SEPTIN7: variants seen among roughly 807,000 people sequenced by gnomAD.
SEPTIN7 encodes the protein septin-7.
In SEPTIN7, 10 loss-of-function variants were observed where a neutral mutation model predicts 63.3. The ratio of observed to expected loss-of-function variants is 0.16; its 90% CI spans 0.10 to 0.27. SEPTIN7 has a LOEUF of 0.27. SEPTIN7 is among the 10% of genes least tolerant of loss of function. SEPTIN7 has a pLI of 1.00. For synonymous variants in SEPTIN7, 131 were observed against 165.3 expected (o/e 0.79, Z 1.59); for missense variants, 310 against 521.0 (o/e 0.59, Z 3.94).
At chr7:35,818,374 G>A (rs1013243110) in intron 1 of SEPTIN7, among the ~76,000 whole-genome samples, 1 of 151,980 alleles carries the variant, frequency 6.6e-6, no homozygotes, top group African/African-American at 2.4e-5. Context: ...TGGTTTGCTA[G>A]TACTTTGTTG....
intron 1 of SEPTIN7, among the ~76,000 whole-genome samples, chr7:35,825,317 A>G (rs1397262868): frequency 6.6e-6 from 1 of 152,184 alleles, no homozygotes; most frequent in East Asian, 1.9e-4. Flanking sequence ...TTCCTAAGCT[A>G]TAGTTCCTTG....
the SEPTIN7 span, among the ~76,000 whole-genome samples, chr7:35,915,329 T>C: frequency 6.6e-6 from 1 of 152,020 alleles, no homozygotes; most frequent in African/African-American, 2.4e-5. Context: ...ACTTCTGGAA[T>C]TGGGTAGGGA....
the SEPTIN7 span, among the ~76,000 whole-genome samples, chr7:35,912,806 A>C: frequency 6.6e-6 from 1 of 152,268 alleles, no homozygotes; most frequent in South Asian, 2.1e-4. Flanking sequence ...TTAATCTGCA[A>C]GATGGAATTA....
intron 1 of SEPTIN7, among the ~76,000 whole-genome samples, chr7:35,817,711 G>A (rs903751415): frequency 8.6e-5 from 13 of 151,970 alleles, no homozygotes; most frequent in African/African-American, 3.1e-4. Flanking sequence ...CAGTTTTTGT[G>A]AACAACATTT....
At chr7:35,891,524 A>C (rs1046340928) in intron 11 of SEPTIN7, among the ~76,000 whole-genome samples, 1 of 152,312 alleles carries the variant, frequency 6.6e-6, no homozygotes, top group Middle Eastern at 3.4e-3. Flanking sequence ...GTATCTAAAC[A>C]TAGAAAAGGT....
intron 12 of SEPTIN7, chr7:35,900,139 A>G (rs920205250): frequency 6.6e-6 from 1 of 152,248 alleles, no homozygotes; most frequent in Non-Finnish European, 1.5e-5. Flanking sequence ...TTGAGTAAAT[A>G]GAATGCACGG....
intron 8 of SEPTIN7, among the ~76,000 whole-genome samples, chr7:35,883,556 C>T (rs541759126): frequency 1.4e-5 from 2 of 141,996 alleles, no homozygotes; most frequent in South Asian, 2.4e-4. Flanking sequence ...CTTTTTTTCC[C>T]CCAAATGCCA....
Position 35,898,128 on chromosome 7 carries a change from G to A in SEPTIN7, c.999-120G>A, listed in dbSNP as rs1788065299. On this transcript the variant is annotated intron_variant, in intron 11 of 13. Transcript: ENST00000350320. ...TATGAAATATGGAAAGAAGTTCTAG[G>A]TTATAAATATATTAATAGTGACATA... The A allele has an allele frequency of 1.1e-5, 7 of 662,152 alleles. No individual in the cohort carries two copies. In the South Asian group the frequency reaches 3.6e-4, roughly 34 times the overall value. The allele number at this position is 662,152 out of a possible 1,614,324, so 41.0% of individuals were successfully genotyped here.
intron 1 of SEPTIN7, among the ~76,000 whole-genome samples, chr7:35,814,138 C>T (rs1180062238): frequency 6.6e-6 from 1 of 150,480 alleles, no homozygotes; most frequent in Non-Finnish European, 1.5e-5. Context: ...TTTTATTTCT[C>T]TTTGGTAAAT....
chr7:35,831,851 A>G (rs1278934654), intron 2 of SEPTIN7: 2 of 281,052 alleles, frequency 7.1e-6, no homozygotes, highest in African/African-American at 4.6e-5. Flanking sequence ...TATTGAATTG[A>G]TGTTTTGATC....
At chr7:35,825,967 G>A (rs1475550555) in intron 1 of SEPTIN7, among the ~76,000 whole-genome samples, 1 of 152,060 alleles carries the variant, frequency 6.6e-6, no homozygotes, top group Non-Finnish European at 1.5e-5. Flanking sequence ...AGAGCTGGGG[G>A]CATGCTAAAT....
At chr7:35,806,612 C>A (rs868367074) in intron 1 of SEPTIN7, among the ~76,000 whole-genome samples, 56 of 152,246 alleles carry the variant, frequency 3.7e-4, no homozygotes, top group African/African-American at 1.2e-3. Flanking sequence ...TGCATACACA[C>A]ATCTTGTAGC....
chr7:35,808,184 A>G (rs1242208326), intron 1 of SEPTIN7, among the ~76,000 whole-genome samples: 2 of 151,808 alleles, frequency 1.3e-5, no homozygotes, highest in Non-Finnish European at 2.9e-5. Flanking sequence ...CAAAAGGTTA[A>G]ACAGAGAGAT....
At chr7:35,860,417 C>T (rs1785443026) in intron 3 of SEPTIN7, among the ~76,000 whole-genome samples, 1 of 152,030 alleles carries the variant, frequency 6.6e-6, no homozygotes, top group Non-Finnish European at 1.5e-5. Flanking sequence ...TTTATATTTG[C>T]CCTTGCATTT....
chr7:35,857,868 G>A (rs1295977701), intron 3 of SEPTIN7, among the ~76,000 whole-genome samples: 2 of 152,036 alleles, frequency 1.3e-5, no homozygotes, highest in African/African-American at 4.8e-5. Context: ...TTTCCAAAAA[G>A]GAAAGTTACT....
intron 1 of SEPTIN7, among the ~76,000 whole-genome samples, chr7:35,809,443 G>A (rs1327126654): frequency 2.6e-5 from 4 of 152,186 alleles, no homozygotes; most frequent in Non-Finnish European, 5.9e-5. Context: ...CTATATTGCA[G>A]TTGACTTTAT....
At chr7:35,852,564 A>G (rs1431758255) in intron 3 of SEPTIN7, among the ~76,000 whole-genome samples, 1 of 152,162 alleles carries the variant, frequency 6.6e-6, no homozygotes, top group Non-Finnish European at 1.5e-5. Context: ...TGTATTTGTC[A>G]GGTGCTATAT....
chr7:35,845,846 AG>A (rs1285967160), intron 3 of SEPTIN7, among the ~76,000 whole-genome samples: 1 of 152,132 alleles, frequency 6.6e-6, no homozygotes, highest in Non-Finnish European at 1.5e-5. Context: ...CTTTAAAAAA[AG>A]TTTTACTTTG....
intron 1 of SEPTIN7, among the ~76,000 whole-genome samples, chr7:35,817,200 G>T (rs1236071808): frequency 1.3e-5 from 2 of 151,104 alleles, no homozygotes; most frequent in East Asian, 3.9e-4. Context: ...TTATGTTTAG[G>T]TTTTTGATCC....
Sources: gnomAD v4.1 joint callset for allele counts (sites outside exome capture counted in the v4.1 genomes callset) on GRCh38, gnomAD v4.1.1 for gene constraint, MANE v1.5 for transcripts, NCBI Gene and HGNC (gene_info 2026-07-23, HGNC 2026-07-21) for gene names.